The following GJB7 variants were observed in gnomAD, a reference collection of about 807,000 sequenced individuals.
GJB7 encodes the protein gap junction beta-7 protein.
For synonymous variants in GJB7, 87 were observed against 95.2 expected, an observed-to-expected ratio of 0.91 and a Z score of 0.50; for missense variants, 253 against 256.8, an observed-to-expected ratio of 0.99 and a Z score of 0.10.
chr6:87,299,713 G>A (rs1019524768), intron 2 of GJB7: 10 of 161,840 alleles, frequency 6.2e-5, no homozygotes, highest in Admixed American at 1.9e-4. Context: ...TGCTACTGGT[G>A]GTCTGGTGTT....
At chr6:87,324,064 A>C (rs1187193280) in intron 1 of GJB7, among the ~76,000 whole-genome samples, 1 of 150,978 alleles carries the variant, frequency 6.6e-6, no homozygotes, top group East Asian at 1.9e-4. Context: ...TGGCTGCATA[A>C]ATGTCTTCTT....
chr6:87,297,744 G>A (rs555881004), intron 2 of GJB7, among the ~76,000 whole-genome samples: 1 of 152,332 alleles, frequency 6.6e-6, no homozygotes, highest in East Asian at 1.9e-4. Flanking sequence ...TGATTACAGT[G>A]TCATGAGGCA....
chr6:87,315,547 G>A (rs192802599), intron 2 of GJB7, among the ~76,000 whole-genome samples: 4 of 152,158 alleles, frequency 2.6e-5, no homozygotes, highest in South Asian at 4.1e-4. Flanking sequence ...ATCCCAGAAC[G>A]TTGGGTGGCC....
intron 2 of GJB7, among the ~76,000 whole-genome samples, chr6:87,317,237 G>A (rs919246906): frequency 6.6e-6 from 1 of 150,882 alleles, no homozygotes; most frequent in Non-Finnish European, 1.5e-5. Flanking sequence ...GATGGCACAC[G>A]CCTATAACTC....
intron 1 of GJB7, among the ~76,000 whole-genome samples, chr6:87,327,567 A>T (rs1325127688): frequency 3.3e-5 from 5 of 150,462 alleles, no homozygotes; most frequent in Admixed American, 2.0e-4. Context: ...TTCTTTAAGA[A>T]TGTTGAATAT....
intron 2 of GJB7, among the ~76,000 whole-genome samples, chr6:87,318,587 T>C (rs1008888942): frequency 6.6e-6 from 1 of 152,088 alleles, no homozygotes; most frequent in Non-Finnish European, 1.5e-5. Flanking sequence ...GTTTACCAGT[T>C]CAGGTGTTTT....
chr6:87,293,481 C>A (rs1353219972), intron 2 of GJB7, among the ~76,000 whole-genome samples: 2 of 151,308 alleles, frequency 1.3e-5, no homozygotes, highest in Admixed American at 6.6e-5. Flanking sequence ...TTACAGAGAT[C>A]CCAGGATCCC....
chr6:87,302,072 A>G (rs985497836), intron 2 of GJB7, among the ~76,000 whole-genome samples: 2 of 152,212 alleles, frequency 1.3e-5, no homozygotes, highest in Non-Finnish European at 1.5e-5. Context: ...AACCACAAAG[A>G]TGGGGAAAAA....
intron 1 of GJB7, among the ~76,000 whole-genome samples, chr6:87,327,345 GT>G (rs1776852639): frequency 6.6e-6 from 1 of 152,052 alleles, no homozygotes; most frequent in Non-Finnish European, 1.5e-5. Context: ...AGTTGATACA[GT>G]TTCTTCCTAG....
chr6:87,294,147 C>T (rs776931463), intron 2 of GJB7, among the ~76,000 whole-genome samples: 27 of 152,116 alleles, frequency 1.8e-4, no homozygotes, highest in African/African-American at 3.4e-4. Context: ...AAGGATAAAG[C>T]GAAATAAGAA....
At chr6:87,299,260 C>A in intron 2 of GJB7, 2 of 468,060 alleles carry the variant, frequency 4.3e-6, no homozygotes, top group South Asian at 3.3e-5. Flanking sequence ...AGAAATTGCT[C>A]AGGTTGCTAC....
At chr6:87,318,891 A>G (rs1479141870) in intron 2 of GJB7, among the ~76,000 whole-genome samples, 1 of 152,182 alleles carries the variant, frequency 6.6e-6, no homozygotes, top group African/African-American at 2.4e-5. Flanking sequence ...TTATTTTTTA[A>G]AAAAAGACCT....
rs377594939 is a variant in GJB7, at chr6:87,284,198, G to A, written c.*43C>T. 2 of 1,492,962 alleles carry A rather than the reference G, an allele frequency of 1.3e-6. No individual in the cohort carries two copies. The highest frequency in any genetic ancestry group is 2.3e-5 in the East Asian group (1 of 44,212). 92.5% of individuals were successfully genotyped at this position (1,492,962 alleles called of 1,614,324 possible). ...TGTGAAGATTCTGGAGTAGGGGAGG[G>A]GTCCCTCTCCTACCACATTCAACAT... On this transcript the variant is annotated 3_prime_UTR_variant, in exon 3 of 3. Coordinates refer to ENST00000525899, the MANE Select transcript of GJB7 (RefSeq NM_198568.3).
rs1318608278 is a variant in GJB7, at chr6:87,310,611, A to G, written c.-28+12255T>C. Among the ~76,000 whole-genome samples the G allele has an allele frequency of 4.9e-3, 749 of 152,242 alleles. 18 individuals carry two copies. Among genetic ancestry groups the G allele is most frequent in the Admixed American group, 0.046 (696 of 15,272 alleles). The stretch of plus-strand genomic sequence containing the variant: ...GAAATCACCATTGCAGAACTTAGCC[A>G]TGTAATGAAAAGCCACCTGTTCCCC... On this transcript the variant is annotated intron_variant, in intron 2 of 2. Coordinates refer to ENST00000525899, the MANE Select transcript of GJB7 (RefSeq NM_198568.3).
intron 1 of GJB7, among the ~76,000 whole-genome samples, chr6:87,327,901 G>T (rs1475071043): frequency 1.3e-4 from 19 of 149,514 alleles, no homozygotes; most frequent in African/African-American, 4.0e-4. Flanking sequence ...CCAATCAGAC[G>T]TAGATTTGGT....
intron 2 of GJB7, among the ~76,000 whole-genome samples, chr6:87,294,715 G>A (rs1332569034): frequency 6.6e-6 from 1 of 152,232 alleles, no homozygotes; most frequent in African/African-American, 2.4e-5. Context: ...CCAGGGTGAT[G>A]AGGACATCCC....
chr6:87,309,985 CT>C (rs1199266747), intron 2 of GJB7, among the ~76,000 whole-genome samples: 1 of 152,180 alleles, frequency 6.6e-6, no homozygotes, highest in Non-Finnish European at 1.5e-5. Flanking sequence ...ATGGATCACT[CT>C]TTCATGCAAC....
At chr6:87,311,085 C>A (rs960583491) in intron 2 of GJB7, among the ~76,000 whole-genome samples, 1 of 152,006 alleles carries the variant, frequency 6.6e-6, no homozygotes, top group East Asian at 1.9e-4. Context: ...CAAGGAAATA[C>A]AAATTAAACC....
intron 2 of GJB7, among the ~76,000 whole-genome samples, chr6:87,292,534 T>G (rs1360179839): frequency 6.6e-6 from 1 of 151,992 alleles, no homozygotes; most frequent in Non-Finnish European, 1.5e-5. Flanking sequence ...ACCCCAGAAA[T>G]CATTGATAAC....
Sources: allele counts gnomAD v4.1 joint callset (sites outside exome capture counted in the v4.1 genomes callset), GRCh38; gene constraint gnomAD v4.1.1; transcripts MANE v1.5; gene names NCBI Gene and HGNC (gene_info 2026-07-23, HGNC 2026-07-21).